IQSEC1: variants seen among roughly 807,000 people sequenced by gnomAD.
The protein encoded by IQSEC1 is IQ motif and Sec7 domain ArfGEF 1, also known as IQ motif and SEC7 domain-containing protein 1.
In IQSEC1, 31 loss-of-function variants were observed where a neutral mutation model predicts 91.0. The observed-to-expected ratio is 0.34, with a 90% CI of 0.26 to 0.46. The LOEUF (loss-of-function observed/expected upper bound fraction) is 0.46, where lower values mean the gene tolerates loss of function less well. Among genes scored for constraint, IQSEC1 ranks in the 20% least tolerant of loss-of-function variants. The pLI is 1.00. For synonymous variants in IQSEC1, 699 were observed against 662.6 expected (o/e 1.05, Z -0.84); for missense variants, 1,388 against 1,575.6 (o/e 0.88, Z 2.02).
chr3:13,117,257 A>G (rs1706349685), intron 2 of IQSEC1, among the ~76,000 whole-genome samples: 1 of 139,442 alleles, frequency 7.2e-6, no homozygotes, highest in African/African-American at 2.6e-5. Context: ...GCAAATCAAA[A>G]CCACAATGAG....
chr3:13,094,351 G>T (rs575273706), intron 2 of IQSEC1, among the ~76,000 whole-genome samples: 5 of 152,232 alleles, frequency 3.3e-5, no homozygotes, highest in Admixed American at 6.5e-5. Context: ...GGCTTGCAGG[G>T]GCTGACCTTG....
chr3:13,122,426 C>T (rs1426057840), intron 2 of IQSEC1, among the ~76,000 whole-genome samples: 2 of 151,530 alleles, frequency 1.3e-5, no homozygotes, highest in Non-Finnish European at 2.9e-5. Context: ...GGGGCATGGA[C>T]GCAGTTGGGT....
chr3:12,967,353 C>T lies in IQSEC1; in HGVS notation c.24-25488G>A. On this transcript the variant is annotated intron_variant, in intron 1 of 13. Transcript: ENST00000613206. This position sits in a 1 kb window ranked among gnomAD's most constrained non-coding sequence, Gnocchi z 5.9. ...CTGCGCCAGCCCACCGCTCAGCACC[C>T]GGGAAGGCCGCTCGCCCCGCGCCGC... 1 of 1,518,464 alleles carries T rather than the reference C, an allele frequency of 6.6e-7. No homozygotes were observed. The highest frequency in any genetic ancestry group is 1.2e-5 in the South Asian group (1 of 82,606). 94.1% of individuals were successfully genotyped at this position (1,518,464 alleles called of 1,614,324 possible). A position where few individuals can be genotyped will look rare whatever the true frequency, so the allele number is the denominator to read the frequency against.
rs554321035 is a variant in IQSEC1 at position 13,269,764 on chromosome 3, T to C, written c.272+12947A>G. Among the ~76,000 whole-genome samples, 21 of 152,284 alleles carry C rather than the reference T, an allele frequency of 1.4e-4. No homozygotes were observed. The East Asian group carries it at 3.9e-3, about 28-fold the overall frequency. On this transcript the variant is annotated intron_variant, in intron 1 of 15. Coordinates refer to the IQSEC1 transcript ENST00000648114. ...CTTCCGCAGCCTTGACAGGGAGAAG[T>C]GACAGAGCCCAGTCTGAGCAAACCA... is the stretch of plus-strand genomic sequence containing the variant.
chr3:13,017,473 C>T (rs372472899), intron 1 of IQSEC1, among the ~76,000 whole-genome samples: 7 of 152,128 alleles, frequency 4.6e-5, no homozygotes, highest in African/African-American at 9.7e-5. Flanking sequence ...TCTGAGCTCT[C>T]GGCGACAAGT....
At chr3:13,218,945 C>T (rs1242139147) in intron 1 of IQSEC1, among the ~76,000 whole-genome samples, 1 of 152,206 alleles carries the variant, frequency 6.6e-6, no homozygotes, top group Non-Finnish European at 1.5e-5. Context: ...CCTTTTCCCT[C>T]ACCTACTCAA....
chr3:13,255,033 C>T (rs931868978), intron 1 of IQSEC1, among the ~76,000 whole-genome samples: 1 of 152,246 alleles, frequency 6.6e-6, no homozygotes, highest in South Asian at 2.1e-4. Flanking sequence ...CTGGCAGGAA[C>T]GTCTGGAAGA....
At chr3:12,938,066 C>T (rs2125324212) in intron 2 of IQSEC1, among the ~76,000 whole-genome samples, 1 of 152,344 alleles carries the variant, frequency 6.6e-6, no homozygotes, top group East Asian at 1.9e-4. Flanking sequence ...CCTGAGTGGA[C>T]AATGAACACA....
intron 1 of IQSEC1, among the ~76,000 whole-genome samples, chr3:13,250,789 C>A (rs576753019): frequency 1.3e-5 from 2 of 152,064 alleles, no homozygotes; most frequent in South Asian, 4.2e-4. Context: ...AAGGGACATC[C>A]AGAACCCAGC....
chr3:12,952,593 C>T (rs1488462862), intron 1 of IQSEC1, among the ~76,000 whole-genome samples: 5 of 152,160 alleles, frequency 3.3e-5, no homozygotes, highest in South Asian at 2.1e-4. Flanking sequence ...TCTCATTTGG[C>T]GGGACCCAGG....
chr3:12,953,588 A>G (rs1054563010), intron 1 of IQSEC1, among the ~76,000 whole-genome samples: 84 of 152,298 alleles, frequency 5.5e-4, no homozygotes, highest in African/African-American at 1.8e-3. Context: ...GCATCTCCCT[A>G]TGTGTCAGCA....
At chr3:12,976,292 C>T (rs1387458988) in intron 1 of IQSEC1, among the ~76,000 whole-genome samples, 1 of 152,236 alleles carries the variant, frequency 6.6e-6, no homozygotes, top group Admixed American at 6.5e-5. Context: ...GGGACTCTGC[C>T]AGCCCTGCTG....
intron 3 of IQSEC1, among the ~76,000 whole-genome samples, chr3:12,926,408 C>T (rs985599184): frequency 6.6e-6 from 1 of 152,178 alleles, no homozygotes. Flanking sequence ...CTGGAGTTTG[C>T]CAGGCCACTC....
chr3:12,964,917 G>C (rs1376524445), intron 1 of IQSEC1, among the ~76,000 whole-genome samples: 1 of 152,200 alleles, frequency 6.6e-6, no homozygotes, highest in East Asian at 1.9e-4. Flanking sequence ...TTGCCCAGTT[G>C]TCACACTGTT....
At chr3:12,984,394 C>A (rs1701621178) in intron 1 of IQSEC1, among the ~76,000 whole-genome samples, 1 of 152,308 alleles carries the variant, frequency 6.6e-6, no homozygotes, top group South Asian at 2.1e-4. Flanking sequence ...CCCCACAGGC[C>A]CAGGGCTGAG....
At chr3:13,196,946 C>A (rs1694140955) in intron 1 of IQSEC1, among the ~76,000 whole-genome samples, 4 of 152,024 alleles carry the variant, frequency 2.6e-5, no homozygotes. Flanking sequence ...GGGCAGCAGA[C>A]CCAGCTCAGA....
intron 2 of IQSEC1, among the ~76,000 whole-genome samples, chr3:13,099,881 G>C (rs1706028797): frequency 6.6e-6 from 1 of 152,238 alleles, no homozygotes; most frequent in African/African-American, 2.4e-5. Context: ...AAGGCCCCAA[G>C]GGAGCAGTGT....
chr3:13,164,180 G>T (rs747163076), intron 1 of IQSEC1, among the ~76,000 whole-genome samples: 15 of 152,070 alleles, frequency 9.9e-5, no homozygotes, highest in Non-Finnish European at 2.2e-4. Context: ...CCTCTGCTCC[G>T]GGAGACCTGC....
At chr3:13,082,271 C>T (rs181388780) in intron 2 of IQSEC1, among the ~76,000 whole-genome samples, 76 of 152,308 alleles carry the variant, frequency 5.0e-4, no homozygotes, top group African/African-American at 1.7e-3. Flanking sequence ...AAATGGCTGC[C>T]GAGTGCTTAT....
Sources: gnomAD v4.1 joint callset for allele counts (sites outside exome capture counted in the v4.1 genomes callset) on GRCh38, gnomAD v4.1.1 for gene constraint, Gnocchi (gnomAD v3.1) non-coding constraint, MANE v1.5 for transcripts, NCBI Gene and HGNC (gene_info 2026-07-23, HGNC 2026-07-21) for gene names.